Variants in TMEFF1 observed in about 807,000 individuals in gnomAD.
The protein encoded by TMEFF1 is tomoregulin-1.
In TMEFF1, 20 loss-of-function variants were observed where a neutral mutation model predicts 47.5. The observed-to-expected ratio is 0.42, with a 90% confidence interval of 0.30 to 0.61. The LOEUF (loss-of-function observed/expected upper bound fraction) is 0.61. TMEFF1 is among the 20% of genes least tolerant of loss of function. The probability of loss-of-function intolerance (pLI) is 0.19; values close to 1 mark genes in which losing one functional copy is unlikely to be tolerated. For synonymous variants in TMEFF1, 162 were observed against 166.3 expected, an observed-to-expected ratio of 0.97 and a Z score of 0.20; for missense variants, 411 against 471.1, an observed-to-expected ratio of 0.87 and a Z score of 1.18.
At chr9:100,556,178 C>T (rs565820888) in intron 7 of TMEFF1, among the ~76,000 whole-genome samples, 1 of 152,148 alleles carries the variant, frequency 6.6e-6, no homozygotes, top group Non-Finnish European at 1.5e-5. Context: ...CTTGTACTTA[C>T]TTGTTTGTTT....
At chr9:100,487,832 A>C (rs1039493538) in intron 1 of TMEFF1, among the ~76,000 whole-genome samples, 1 of 151,966 alleles carries the variant, frequency 6.6e-6, no homozygotes, top group Admixed American at 6.6e-5. Context: ...TCAAGATCAT[A>C]TAGTTACTTT....
intron 5 of TMEFF1, among the ~76,000 whole-genome samples, chr9:100,524,404 G>A (rs369043040): frequency 2.0e-3 from 301 of 152,316 alleles, no homozygotes; most frequent in Admixed American, 5.2e-3. Context: ...GAAGGCTTAC[G>A]GAAGACACTT....
At position 100,484,696 on chromosome 9, in the gene TMEFF1, C is replaced by CT. The variant is rs762790286; in HGVS notation, c.196+10973dup. Among the ~76,000 whole-genome samples, 1,118 of 138,580 alleles carry CT rather than the reference C, an allele frequency of 8.1e-3. 11 individuals are homozygous for CT. The highest frequency in any genetic ancestry group is 0.021 in the African/African-American group (795 of 38,024). The allele number at this position is 138,580 out of a possible 152,430, so 90.9% of individuals were successfully genotyped here. A position where few individuals can be genotyped will look rare whatever the true frequency, so the allele number is the denominator to read the frequency against. On this transcript the variant is annotated intron_variant, in intron 1 of 9. Transcript: ENST00000374879. ...CCAGCCCTAGGCAACCACTGACGTA[C>CT]TTTTTTTTTTTTTTTTTGAAACAGT...
chr9:100,550,106 A>G lies in TMEFF1; in HGVS notation c.721A>G (p.Thr241Ala), dbSNP rs1484413814. Residue 241 changes from threonine (T) to alanine (A), a missense_variant, in exon 7 of 10, where the codon ACT becomes GCT. Coordinates refer to ENST00000374879, the MANE Select transcript of TMEFF1 (RefSeq NM_003692.5). ...HLGHCTDTDD[T>A]SLLGKKDDGL... is the part of the protein sequence containing the mutation. Reference sequence around the variant, plus strand: ...GTCTTCTCTTACAGATACAGATGACACTAGTTTGTTGGGAAAGAAAGATGA... The same window carrying G: ...GTCTTCTCTTACAGATACAGATGACGCTAGTTTGTTGGGAAAGAAAGATGA... 3.1e-6 allele frequency: 5 copies of G among 1,611,432 alleles called. No individual in the cohort carries two copies. Among genetic ancestry groups the G allele is most frequent in the East Asian group, 2.2e-5 (1 of 44,702 alleles).
At chr9:100,474,045 C>T (rs1055009678) in intron 1 of TMEFF1, among the ~76,000 whole-genome samples, 7 of 151,654 alleles carry the variant, frequency 4.6e-5, no homozygotes, top group Non-Finnish European at 1.0e-4. Flanking sequence ...GCCGGGGCTC[C>T]CGGTGTGGTC....
At chr9:100,563,036 T>G (rs1839050941) in intron 8 of TMEFF1, among the ~76,000 whole-genome samples, 1 of 152,152 alleles carries the variant, frequency 6.6e-6, no homozygotes, top group African/African-American at 2.4e-5. Context: ...CAGGATGGTC[T>G]TGATCTCTTG....
intron 8 of TMEFF1, among the ~76,000 whole-genome samples, chr9:100,570,533 A>AAATG (rs1300101166): frequency 1.3e-5 from 2 of 152,152 alleles, no homozygotes; most frequent in Non-Finnish European, 2.9e-5. Context: ...TTGAAGAAAC[A>AAATG]GTTCTTTCCC....
intron 5 of TMEFF1, among the ~76,000 whole-genome samples, chr9:100,547,210 C>T (rs1315003320): frequency 6.6e-6 from 1 of 151,848 alleles, no homozygotes; most frequent in Admixed American, 6.6e-5. Context: ...GAGATGGGGT[C>T]TTGCTTTGTT....
chr9:100,540,518 C>T (rs1838609097), intron 5 of TMEFF1, among the ~76,000 whole-genome samples: 1 of 152,116 alleles, frequency 6.6e-6, no homozygotes. Context: ...CTCCCCACCT[C>T]CCCGCTAGCA....
At chr9:100,561,133 CAACAGT>C (rs1839005913) in intron 7 of TMEFF1, among the ~76,000 whole-genome samples, 3 of 152,260 alleles carry the variant, frequency 2.0e-5, no homozygotes, top group African/African-American at 7.2e-5. Flanking sequence ...TGTTTTTAAA[CAACAGT>C]AACTCCTAGC....
rs1206619572 is a variant in TMEFF1 at position 100,492,089 on chromosome 9, T to C, written c.197-6676T>C. ...TTAGTAGAGACGGGGTTTCATCACG[T>C]TGGCCAGGCTGGTCTTGAACTCTTG... On this transcript the variant is annotated intron_variant, in intron 1 of 9. Coordinates refer to ENST00000374879, the MANE Select transcript of TMEFF1 (RefSeq NM_003692.5). 2.6e-5 allele frequency among the ~76,000 whole-genome samples: 4 copies of C among 152,330 alleles called. No homozygotes were observed. In the East Asian group the frequency reaches 7.7e-4, roughly 29 times the overall value.
chr9:100,507,993 T>A (rs908247303), intron 2 of TMEFF1, among the ~76,000 whole-genome samples: 2 of 152,122 alleles, frequency 1.3e-5, no homozygotes, highest in African/African-American at 4.8e-5. Flanking sequence ...CCAAAACTGG[T>A]GTAGTGGGAT....
chr9:100,533,547 C>G (rs1334830869), intron 5 of TMEFF1, among the ~76,000 whole-genome samples: 2 of 152,038 alleles, frequency 1.3e-5, no homozygotes, highest in African/African-American at 2.4e-5. Context: ...CTTGCGTTAT[C>G]AATTTGAAAG....
intron 5 of TMEFF1, among the ~76,000 whole-genome samples, chr9:100,530,301 G>T (rs1432309858): frequency 3.3e-5 from 5 of 152,090 alleles, no homozygotes; most frequent in Non-Finnish European, 7.3e-5. Flanking sequence ...CCAGGAGCTG[G>T]TTTTTTGAAA....
At chr9:100,552,992 A>G (rs960697668) in intron 7 of TMEFF1, among the ~76,000 whole-genome samples, 2 of 152,168 alleles carry the variant, frequency 1.3e-5, no homozygotes, top group Non-Finnish European at 2.9e-5. Flanking sequence ...TGGATGCACT[A>G]TTATTTAGAA....
At chr9:100,510,194 A>G (rs1374507022) in intron 3 of TMEFF1, among the ~76,000 whole-genome samples, 1 of 152,202 alleles carries the variant, frequency 6.6e-6, no homozygotes. Context: ...GCTGAGATCA[A>G]GAGGTTCCCC....
intron 5 of TMEFF1, among the ~76,000 whole-genome samples, chr9:100,532,008 T>C (rs1442767264): frequency 6.6e-6 from 1 of 151,272 alleles, no homozygotes; most frequent in East Asian, 1.9e-4. Flanking sequence ...CCCTATTTAA[T>C]AAATGGTGCT....
At chr9:100,513,981 T>C (rs1188397631) in intron 4 of TMEFF1, among the ~76,000 whole-genome samples, 3 of 152,242 alleles carry the variant, frequency 2.0e-5, no homozygotes, top group Non-Finnish European at 4.4e-5. Context: ...TAATATTTGG[T>C]AATAGCATAT....
At chr9:100,485,293 T>C (rs1027727372) in intron 1 of TMEFF1, among the ~76,000 whole-genome samples, 3 of 152,246 alleles carry the variant, frequency 2.0e-5, no homozygotes, top group Admixed American at 6.5e-5. Context: ...GTAAATACAT[T>C]GTTTCATATC....
Sources: allele counts gnomAD v4.1 joint callset (sites outside exome capture counted in the v4.1 genomes callset), GRCh38; gene constraint gnomAD v4.1.1; transcripts MANE v1.5; gene names NCBI Gene and HGNC (gene_info 2026-07-23, HGNC 2026-07-21).